TDP1: variants seen among roughly 807,000 people sequenced by gnomAD.
The protein encoded by TDP1 is tyr-DNA phosphodiesterase 1.
Under a neutral mutation model 81.5 loss-of-function variants are expected in TDP1, and 64 were observed. That is an observed-to-expected ratio of 0.79 (90% confidence interval 0.64 to 0.97). TDP1 has a LOEUF of 0.97. Ranked by LOEUF, TDP1 falls within the 50% of genes least tolerant of loss-of-function variation. The probability of loss-of-function intolerance (pLI) is 0.00; values close to 1 mark genes in which losing one functional copy is unlikely to be tolerated. For synonymous variants in TDP1, 256 were observed against 264.3 expected (o/e 0.97, Z 0.30); for missense variants, 723 against 743.8 (o/e 0.97, Z 0.33).
chr14:90,029,495 G>A (rs1261683950), intron 15 of TDP1, among the ~76,000 whole-genome samples: 23 of 140,818 alleles, frequency 1.6e-4, no homozygotes, highest in Non-Finnish European at 2.2e-4. Context: ...CACCGCACCC[G>A]GCCTTTTTTT....
intron 2 of TDP1, among the ~76,000 whole-genome samples, chr14:89,960,638 A>C (rs917110861): frequency 2.6e-5 from 4 of 152,216 alleles, no homozygotes; most frequent in Admixed American, 2.6e-4. Flanking sequence ...CTCTACAGTC[A>C]ATAAGGCTTT....
At chr14:89,967,257 G>A in intron 4 of TDP1, 110 bp from the exon 5 acceptor site, 1 of 1,307,314 alleles carries the variant, frequency 7.6e-7, no homozygotes. Flanking sequence ...AATACATGTA[G>A]TGTATCACTA....
At chr14:89,956,021 T>G (rs1891534213) in intron 1 of TDP1, 51 bp downstream of exon 1, 1 of 152,908 alleles carries the variant, frequency 6.5e-6, no homozygotes, top group East Asian at 1.9e-4. Context: ...TCTCGCGGGC[T>G]GCGGTCGGGC....
At chr14:89,992,066 A>G in intron 13 of TDP1, 83 bp downstream of exon 13, 1 of 1,160,966 alleles carries the variant, frequency 8.6e-7, no homozygotes, top group Non-Finnish European at 1.3e-6. Context: ...TTTTTTTTTA[A>G]AAGGAACTTT....
intron 14 of TDP1, among the ~76,000 whole-genome samples, chr14:90,014,191 A>G (rs746709683): frequency 6.6e-6 from 1 of 152,224 alleles, no homozygotes; most frequent in African/African-American, 2.4e-5. Context: ...TCTAAATAGG[A>G]TAGATGCTTG....
chr14:89,984,563 A>G lies in TDP1; in HGVS notation c.932A>G (p.Lys311Arg), dbSNP rs755110686. 1 of 1,614,144 alleles carries G rather than the reference A, an allele frequency of 6.2e-7. No homozygotes were observed. Among genetic ancestry groups the G allele is most frequent in the South Asian group, 1.1e-5 (1 of 91,082 alleles). ...LYPRIADGTH[K>R]SGESPTHFKA... ...CCACGAATTGCTGATGGAACCCACA[A>G]ATCTGGAGAGTCGCCAACACATTTT... The change falls in exon 9 of 17, where the codon AAA becomes AGA. Residue 311 changes from lysine to arginine, a missense_variant. Transcript: ENST00000335725.
chr14:89,988,785 G>A, intron 10 of TDP1, 120 bp from the exon 11 acceptor site: 3 of 1,543,512 alleles, frequency 1.9e-6, no homozygotes, highest in South Asian at 2.4e-5. Flanking sequence ...TTGATCACTA[G>A]TATTTTCAGC....
At chr14:89,978,393 G>A (rs1469323919) in intron 7 of TDP1, among the ~76,000 whole-genome samples, 1 of 152,178 alleles carries the variant, frequency 6.6e-6, no homozygotes, top group African/African-American at 2.4e-5. Context: ...GGTAACATAC[G>A]ACAGAGCTTC....
intron 14 of TDP1, among the ~76,000 whole-genome samples, chr14:90,016,605 C>T (rs1216700222): frequency 2.0e-5 from 3 of 152,332 alleles, no homozygotes; most frequent in African/African-American, 7.2e-5. Context: ...TATGCCTGTC[C>T]TCCTCTGGCT....
intron 14 of TDP1, among the ~76,000 whole-genome samples, chr14:90,017,015 A>G (rs974143406): frequency 2.6e-5 from 4 of 152,200 alleles, no homozygotes; most frequent in African/African-American, 9.6e-5. Flanking sequence ...AAAAAAGAAC[A>G]ATGGAAGAGT....
chr14:90,009,426 C>T (rs1884433174), intron 14 of TDP1, among the ~76,000 whole-genome samples: 2 of 152,082 alleles, frequency 1.3e-5, no homozygotes, highest in African/African-American at 4.8e-5. Flanking sequence ...TCAATTATGC[C>T]AGGGGATAAG....
chr14:89,984,448 T>C, intron 8 of TDP1, 68 bp from the exon 9 acceptor site: 5 of 1,610,648 alleles, frequency 3.1e-6, no homozygotes, highest in Non-Finnish European at 4.2e-6. Context: ...GATGAAGGCA[T>C]AATCGATACA....
At chr14:89,987,445 G>A (rs749356577) in intron 10 of TDP1, among the ~76,000 whole-genome samples, 1 of 152,220 alleles carries the variant, frequency 6.6e-6, no homozygotes, top group Non-Finnish European at 1.5e-5. Context: ...AATAAGTACA[G>A]GCTTCCTGTC....
At chr14:90,005,313 G>A (rs1288562572) in intron 14 of TDP1, among the ~76,000 whole-genome samples, 2 of 152,148 alleles carry the variant, frequency 1.3e-5, no homozygotes, top group Non-Finnish European at 1.5e-5. Context: ...CACAACAGTG[G>A]GCAGAGAGAG....
At chr14:90,007,151 A>G (rs1404140107) in intron 14 of TDP1, among the ~76,000 whole-genome samples, 1 of 152,176 alleles carries the variant, frequency 6.6e-6, no homozygotes, top group Non-Finnish European at 1.5e-5. Flanking sequence ...CTTTCAAACA[A>G]ATTCAGTTTT....
At chr14:90,029,786 A>G (rs759358192) in intron 15 of TDP1, among the ~76,000 whole-genome samples, 26 of 152,224 alleles carry the variant, frequency 1.7e-4, no homozygotes, top group Non-Finnish European at 3.5e-4. Flanking sequence ...GGTGTGAGCC[A>G]TTGTGCCCGG....
At chr14:89,982,277 G>GA (rs1895062957) in intron 8 of TDP1, among the ~76,000 whole-genome samples, 2 of 152,178 alleles carry the variant, frequency 1.3e-5, no homozygotes, top group Non-Finnish European at 2.9e-5. Flanking sequence ...GTCCAGGGTT[G>GA]AGGGGATAGC....
intron 16 of TDP1, among the ~76,000 whole-genome samples, chr14:90,040,682 T>C (rs1432146781): frequency 1.3e-5 from 2 of 152,270 alleles, no homozygotes; most frequent in Non-Finnish European, 2.9e-5. Context: ...CAAGTTGTTC[T>C]CTCATGGGAC....
chr14:90,036,509 C>G (rs954697867), intron 16 of TDP1, among the ~76,000 whole-genome samples: 2 of 152,152 alleles, frequency 1.3e-5, no homozygotes, highest in African/African-American at 4.8e-5. Flanking sequence ...TGAAGTAAAG[C>G]TCAATGCAAG....
Sources: allele counts gnomAD v4.1 joint callset (sites outside exome capture counted in the v4.1 genomes callset), GRCh38; gene constraint gnomAD v4.1.1; transcripts MANE v1.5; gene names NCBI Gene and HGNC (gene_info 2026-07-23, HGNC 2026-07-21).